Variants in DUSP13B observed in about 807,000 individuals in gnomAD.
DUSP13B encodes dual specificity protein phosphatase 13B.
chr10:75,095,424 C>T, the DUSP13B span: 1 of 690,592 alleles, frequency 1.4e-6, no homozygotes, highest in South Asian at 1.8e-5. Context: ...AGGGGACACT[C>T]ACTGAATGGT....
the DUSP13B span, chr10:75,094,967 A>G: frequency 8.7e-7 from 1 of 1,155,316 alleles, no homozygotes. Flanking sequence ...CATCCTCTAC[A>G]GTATCCTGGA....
the DUSP13B span, among the ~76,000 whole-genome samples, chr10:75,104,993 C>A: frequency 6.6e-6 from 1 of 152,130 alleles, no homozygotes; most frequent in African/African-American, 2.4e-5. Flanking sequence ...TCACCCACCC[C>A]CAAATGGCAG....
At chr10:75,099,875 G>A in the DUSP13B span, 476 of 156,480 alleles carry the variant, frequency 3.0e-3, 2 homozygotes, top group African/African-American at 0.011. Context: ...TTAATTTTCA[G>A]GATGCTCTGG....
chr10:75,101,849 T>C, the DUSP13B span: 1 of 1,358,230 alleles, frequency 7.4e-7, no homozygotes, highest in Non-Finnish European at 9.8e-7. Context: ...CCCCCCCAAA[T>C]TAGGAGCACT....
the DUSP13B span, among the ~76,000 whole-genome samples, chr10:75,102,797 A>G: frequency 6.6e-6 from 1 of 152,212 alleles, no homozygotes; most frequent in African/African-American, 2.4e-5. Context: ...TACTAAAAAT[A>G]CAAAATTAGC....
chr10:75,102,961 A>T, the DUSP13B span, among the ~76,000 whole-genome samples: 131 of 152,008 alleles, frequency 8.6e-4, no homozygotes, highest in Non-Finnish European at 1.4e-3. Context: ...TCCAAAAAAA[A>T]CATTAGCTGG....
the DUSP13B span, among the ~76,000 whole-genome samples, chr10:75,107,180 C>G: frequency 6.6e-6 from 1 of 152,064 alleles, no homozygotes; most frequent in Non-Finnish European, 1.5e-5. Context: ...TGCTAAAATA[C>G]AAAAATTAGC....
the DUSP13B span, among the ~76,000 whole-genome samples, chr10:75,108,767 T>A: frequency 6.6e-6 from 1 of 152,130 alleles, no homozygotes; most frequent in East Asian, 1.9e-4. Flanking sequence ...CTGGAAATGT[T>A]TCCTGGAACT....
chr10:75,099,233 T>C, the DUSP13B span: 2 of 1,232,120 alleles, frequency 1.6e-6, no homozygotes, highest in East Asian at 3.2e-5. Flanking sequence ...CTAGGGAAGG[T>C]GCATACTGGG....
At chr10:75,105,761 C>A in the DUSP13B span, 1 of 1,552,614 alleles carries the variant, frequency 6.4e-7, no homozygotes, top group Non-Finnish European at 8.7e-7. Context: ...TGCTGCCTCA[C>A]GGTGATCACC....
the DUSP13B span, chr10:75,103,808 C>T: frequency 9.2e-7 from 1 of 1,089,468 alleles, no homozygotes; most frequent in African/African-American, 1.7e-5. Context: ...CCCTTCCTCT[C>T]TCCTCCCCTC....
At chr10:75,104,326 C>T in the DUSP13B span, among the ~76,000 whole-genome samples, 1 of 152,292 alleles carries the variant, frequency 6.6e-6, no homozygotes, top group South Asian at 2.1e-4. Context: ...TTTCAGAGTA[C>T]CTGGACCCAG....
chr10:75,107,965 GAT>G, the DUSP13B span: 1 of 1,592,920 alleles, frequency 6.3e-7, no homozygotes, highest in African/African-American at 1.3e-5. Context: ...AGCAAGATGG[GAT>G]ATGGGCTTGG....
the DUSP13B span, among the ~76,000 whole-genome samples, chr10:75,100,424 C>A: frequency 2.0e-5 from 3 of 152,206 alleles, no homozygotes; most frequent in Non-Finnish European, 4.4e-5. Flanking sequence ...CGGCCACCCC[C>A]CCAGGGACTC....
At chr10:75,095,590 G>T in the DUSP13B span, 4 of 1,614,028 alleles carry the variant, frequency 2.5e-6, no homozygotes, top group Non-Finnish European at 3.4e-6. Flanking sequence ...GGAACACTGA[G>T]GGCAGCTCGG....
chr10:75,105,944 C>A, the DUSP13B span: 5 of 1,372,434 alleles, frequency 3.6e-6, no homozygotes, highest in Non-Finnish European at 5.0e-6. Context: ...GACCCAAGTT[C>A]CTTTCCTGAC....
At chr10:75,103,863 G>A in the DUSP13B span, 12 of 1,286,890 alleles carry the variant, frequency 9.3e-6, no homozygotes, top group Admixed American at 1.9e-4. Flanking sequence ...AGAAGCCTGA[G>A]GGCTTGGCTG....
the DUSP13B span, chr10:75,099,070 C>T: frequency 3.9e-5 from 48 of 1,232,332 alleles, no homozygotes; most frequent in African/African-American, 7.8e-5. Flanking sequence ...AGGCCCCACC[C>T]GGGTCAGGTA....
chr10:75,107,833 T>A, the DUSP13B span, among the ~76,000 whole-genome samples: 1 of 152,056 alleles, frequency 6.6e-6, no homozygotes, highest in Non-Finnish European at 1.5e-5. Context: ...CACCTCGGCC[T>A]CCCAAAGTGC....
Sources: gnomAD v4.1 joint callset for allele counts (sites outside exome capture counted in the v4.1 genomes callset) on GRCh38, gnomAD v4.1.1 for gene constraint, MANE v1.5 for transcripts, NCBI Gene and HGNC (gene_info 2026-07-23, HGNC 2026-07-21) for gene names.